Variants in MAGI1 observed in about 807,000 individuals in gnomAD.
The protein encoded by MAGI1 is membrane associated guanylate kinase, WW and PDZ domain containing 1, also known as membrane-associated guanylate kinase, WW and PDZ domain-containing protein 1.
A neutral mutation model predicts 139.9 loss-of-function variants in MAGI1; 58 were observed. The ratio of observed to expected loss-of-function variants is 0.41; its 90% CI spans 0.34 to 0.52. The LOEUF is 0.52. Among genes scored for constraint, MAGI1 ranks in the 20% least tolerant of loss-of-function variants. The pLI is 0.12. For synonymous variants in MAGI1, 812 were observed against 737.9 expected (o/e 1.10, Z -1.63); for missense variants, 1,874 against 1,901.6 (o/e 0.99, Z 0.27).
intron 1 of MAGI1, among the ~76,000 whole-genome samples, chr3:66,032,142 G>C (rs1259048913): frequency 6.6e-6 from 1 of 152,162 alleles, no homozygotes; most frequent in African/African-American, 2.4e-5. Flanking sequence ...AAGTGGCCTA[G>C]TTGCACTTAC....
intron 1 of MAGI1, among the ~76,000 whole-genome samples, chr3:65,689,886 G>A (rs1338562560): frequency 2.6e-5 from 4 of 152,168 alleles, no homozygotes; most frequent in African/African-American, 9.7e-5. Context: ...GCAAGTATAC[G>A]GGATACCTGT....
At chr3:65,760,596 C>T (rs749655615) in intron 1 of MAGI1, among the ~76,000 whole-genome samples, 7 of 152,036 alleles carry the variant, frequency 4.6e-5, no homozygotes, top group Non-Finnish European at 1.0e-4. Context: ...GTTGTAAAGA[C>T]GGGGTCTCCC....
At chr3:65,859,294 CA>C (rs202055159) in intron 1 of MAGI1, among the ~76,000 whole-genome samples, 10 of 144,014 alleles carry the variant, frequency 6.9e-5, no homozygotes, top group African/African-American at 1.3e-4. Context: ...ACTCCGTCTA[CA>C]AAAAAAAAAG....
chr3:65,622,353 T>C (rs1378100068), intron 1 of MAGI1, among the ~76,000 whole-genome samples: 1 of 152,232 alleles, frequency 6.6e-6, no homozygotes, highest in East Asian at 1.9e-4. Context: ...GTGTTTAATG[T>C]AGGCTATTAC....
chr3:65,746,236 A>G (rs1400526371), intron 1 of MAGI1, among the ~76,000 whole-genome samples: 1 of 151,864 alleles, frequency 6.6e-6, no homozygotes, highest in Non-Finnish European at 1.5e-5. Context: ...GGGTTTTAAT[A>G]TGTTGGCCAG....
chr3:65,701,692 A>C (rs1316764339), intron 1 of MAGI1, among the ~76,000 whole-genome samples: 1 of 152,174 alleles, frequency 6.6e-6, no homozygotes, highest in Non-Finnish European at 1.5e-5. Context: ...GAAGAGCTTG[A>C]ATAAGAACTT....
At chr3:65,398,641 A>C (rs1944601154) in intron 13 of MAGI1, among the ~76,000 whole-genome samples, 1 of 152,168 alleles carries the variant, frequency 6.6e-6, no homozygotes, top group South Asian at 2.1e-4. Flanking sequence ...GGTGATTTAG[A>C]CTGAGAGTCT....
chr3:65,999,965 C>G (rs1000162564), intron 1 of MAGI1, among the ~76,000 whole-genome samples: 5 of 137,768 alleles, frequency 3.6e-5, no homozygotes, highest in African/African-American at 1.3e-4. Flanking sequence ...GTCTTGTTCC[C>G]CCCACGCTTT....
intron 1 of MAGI1, among the ~76,000 whole-genome samples, chr3:65,852,160 C>T (rs542260143): frequency 1.3e-5 from 2 of 152,276 alleles, no homozygotes; most frequent in East Asian, 3.9e-4. Flanking sequence ...TCATCACTAC[C>T]TATATCTGTC....
intron 1 of MAGI1, among the ~76,000 whole-genome samples, chr3:65,675,298 T>C (rs1042328521): frequency 3.9e-5 from 6 of 152,278 alleles, no homozygotes; most frequent in East Asian, 3.9e-4. Context: ...AGAACCTCCA[T>C]GGCCTCCAAA....
intron 1 of MAGI1, among the ~76,000 whole-genome samples, chr3:65,869,020 C>A (rs1465706906): frequency 6.6e-6 from 1 of 151,994 alleles, no homozygotes; most frequent in African/African-American, 2.4e-5. Context: ...GTAATCCCAG[C>A]ACTTTGGGAG....
chr3:65,718,013 T>A (rs571618964), intron 1 of MAGI1, among the ~76,000 whole-genome samples: 1 of 152,298 alleles, frequency 6.6e-6, no homozygotes, highest in South Asian at 2.1e-4. Flanking sequence ...GCAGAGTTAC[T>A]GTGGAAGGTT....
At chr3:65,786,260 T>TTC (rs2039372996) in intron 1 of MAGI1, among the ~76,000 whole-genome samples, 1 of 150,020 alleles carries the variant, frequency 6.7e-6, no homozygotes, top group South Asian at 2.1e-4. Context: ...ACTTTTTTTT[T>TTC]TTTTTTTTTT....
rs59781923 is a variant in MAGI1 at position 65,941,144 on chromosome 3, G to A, written c.313+96852C>T. ...GCGGATCACCTGAGGTCAGGAGTTC[G>A]AGACCAGCCTGGCCAACATGGTGAA... On this transcript the variant is annotated intron_variant, in intron 1 of 22. Transcript: ENST00000402939. Among the ~76,000 whole-genome samples the A allele has an allele frequency of 3.1e-3, 471 of 152,182 alleles. 1 individual carries two copies. The highest frequency in any genetic ancestry group is 0.011 in the African/African-American group (451 of 41,510).
intron 1 of MAGI1, among the ~76,000 whole-genome samples, chr3:65,804,815 G>A (rs141855957): frequency 0.015 from 2,230 of 152,002 alleles, 24 homozygotes; most frequent in Non-Finnish European, 0.022. Flanking sequence ...TTGACAAACC[G>A]GACAAAAACA....
Position 65,837,727 on chromosome 3 carries a change from G to A in MAGI1, c.313+200269C>T, listed in dbSNP as rs186971031. Among the ~76,000 whole-genome samples the A allele has an allele frequency of 1.9e-3, 296 of 152,250 alleles. 4 individuals are homozygous for A. The highest frequency in any genetic ancestry group is 6.8e-3 in the African/African-American group (284 of 41,536). ...TTTTAAAATCACAGGAGTGGTTTCA[G>A]TCAGCATTTAAATCTATGTTGGTCT... is the stretch of plus-strand genomic sequence containing the variant. On this transcript the variant is annotated intron_variant, in intron 1 of 22. Coordinates refer to ENST00000402939, the MANE Select transcript of MAGI1 (RefSeq NM_001033057.2).
intron 1 of MAGI1, chr3:65,688,141 T>TA: frequency 2.6e-6 from 2 of 760,206 alleles, no homozygotes; most frequent in Non-Finnish European, 2.3e-6. Context: ...GGACTGTTCC[T>TA]GCCAGGGTCC....
intron 13 of MAGI1, among the ~76,000 whole-genome samples, chr3:65,397,277 T>G (rs1021723179): frequency 1.3e-5 from 2 of 152,092 alleles, no homozygotes; most frequent in African/African-American, 4.8e-5. Context: ...GGTCACTTAG[T>G]GTGTGTGTGT....
chr3:65,633,763 T>A (rs1050970206), intron 1 of MAGI1, among the ~76,000 whole-genome samples: 3 of 152,154 alleles, frequency 2.0e-5, no homozygotes, highest in African/African-American at 7.2e-5. Context: ...AGGATTTATA[T>A]ACAGAAAGCA....
Sources: allele counts gnomAD v4.1 joint callset (sites outside exome capture counted in the v4.1 genomes callset), GRCh38; gene constraint gnomAD v4.1.1; transcripts MANE v1.5; gene names NCBI Gene and HGNC (gene_info 2026-07-23, HGNC 2026-07-21).